The following USP54 variants were observed in gnomAD, a reference collection of about 807,000 sequenced individuals.
The protein encoded by USP54 is ubiquitin carboxyl-terminal hydrolase 54.
A neutral mutation model predicts 170.5 loss-of-function variants in USP54; 87 were observed. That is an observed-to-expected ratio of 0.51 (90% CI 0.43 to 0.61). The LOEUF is 0.61. USP54 is among the 20% of genes least tolerant of loss of function. The pLI, the probability that USP54 is intolerant of heterozygous loss-of-function variation, is 0.00. For synonymous variants in USP54, 655 were observed against 742.8 expected (o/e 0.88, Z 1.92); for missense variants, 1,786 against 2,047.8 (o/e 0.87, Z 2.47).
chr10:73,573,276 G>A (rs753602335), intron 3 of USP54, among the ~76,000 whole-genome samples: 7 of 152,106 alleles, frequency 4.6e-5, no homozygotes, highest in Admixed American at 2.0e-4. Flanking sequence ...TGGCAACAGA[G>A]TGAGACCTCT....
At chr10:73,565,063 G>C (rs1016223176) in intron 4 of USP54, among the ~76,000 whole-genome samples, 2 of 152,034 alleles carry the variant, frequency 1.3e-5, no homozygotes, top group African/African-American at 4.8e-5. Context: ...GACAGAGCAA[G>C]ATCCTATCTC....
chr10:73,618,020 G>A (rs1273867543), intron 1 of USP54, among the ~76,000 whole-genome samples: 1 of 150,366 alleles, frequency 6.7e-6, no homozygotes, highest in Non-Finnish European at 1.5e-5. Flanking sequence ...AGACCAGCCT[G>A]GCCGACATGG....
chr10:73,501,844 A>G (rs181447058), intron 22 of USP54, among the ~76,000 whole-genome samples: 104 of 152,286 alleles, frequency 6.8e-4, no homozygotes, highest in African/African-American at 2.4e-3. Context: ...CTGATGGCTC[A>G]TACTTTCATA....
intron 20 of USP54, among the ~76,000 whole-genome samples, chr10:73,514,810 C>T (rs1178633037): frequency 6.6e-6 from 1 of 151,908 alleles, no homozygotes; most frequent in East Asian, 1.9e-4. Context: ...GAGGCTGAGG[C>T]GGGGGGATCA....
intron 19 of USP54, 101 bp from the exon 20 acceptor site, chr10:73,517,848 G>A: frequency 7.2e-7 from 1 of 1,394,196 alleles, no homozygotes; most frequent in Non-Finnish European, 9.7e-7. Flanking sequence ...TATTCACACA[G>A]GGAATGGTAA....
At chr10:73,516,349 C>T (rs2061088402) in intron 20 of USP54, 26 bp downstream of exon 20, 1 of 1,580,556 alleles carries the variant, frequency 6.3e-7, no homozygotes, top group Non-Finnish European at 8.6e-7. Context: ...CTCCCCCCTC[C>T]CCCCAACCCC....
chr10:73,569,903 A>C (rs947801962), intron 4 of USP54, among the ~76,000 whole-genome samples: 29 of 66,444 alleles, frequency 4.4e-4, no homozygotes, highest in East Asian at 3.1e-3. Flanking sequence ...TTTCATCTCC[A>C]AAAAAAAAAA....
chr10:73,534,648 T>C lies in USP54; in HGVS notation c.1267A>G (p.Ile423Val). The C allele has an allele frequency of 1.2e-6, 2 of 1,614,188 alleles. No homozygotes were observed. Among genetic ancestry groups the C allele is most frequent in the Admixed American group, 1.7e-5 (1 of 60,014 alleles). ...ATGGAATCATTTTCCACATTATAGA[T>C]GACTGTCCCCTGAGAATCAGAAGAG... ...HFSSDSQGTVIYNVENDSMSQ... is the reference protein window; with the variant it reads ...HFSSDSQGTVVYNVENDSMSQ... The change falls in exon 12 of 24, where the codon ATC becomes GTC. Residue 423 changes from isoleucine (I) to valine (V), a missense_variant. Ile to Val is a conservative substitution (Grantham distance 29). Around this residue, in one of 3 missense-constraint regions of USP54, gnomAD observed 1,418 missense variants for 1,569.0 expected, o/e 0.90. Transcript: ENST00000687698.
chr10:73,500,954 A>C, intron 22 of USP54, 116 bp from the exon 23 acceptor site: 4 of 1,070,528 alleles, frequency 3.7e-6, no homozygotes, highest in Non-Finnish European at 5.2e-6. Flanking sequence ...GAGCACAAAC[A>C]TGCCTACATG....
chr10:73,602,377 C>A (rs369376288), intron 1 of USP54, among the ~76,000 whole-genome samples: 50 of 151,550 alleles, frequency 3.3e-4, no homozygotes, highest in African/African-American at 1.1e-3. Flanking sequence ...ACTGTGAAAC[C>A]CCATCTCTAC....
At chr10:73,623,423 G>A (rs1032908274) in intron 1 of USP54, among the ~76,000 whole-genome samples, 9 of 151,870 alleles carry the variant, frequency 5.9e-5, no homozygotes, top group African/African-American at 2.2e-4. Flanking sequence ...TTGGGAGGCT[G>A]AGGCAGGAGT....
intron 17 of USP54, among the ~76,000 whole-genome samples, chr10:73,521,946 T>C (rs933271194): frequency 6.6e-6 from 1 of 152,182 alleles, no homozygotes; most frequent in Non-Finnish European, 1.5e-5. Flanking sequence ...TAATCATACA[T>C]TGGCAGCAAG....
At chr10:73,543,365 T>G (rs2067037832) in intron 5 of USP54, among the ~76,000 whole-genome samples, 1 of 152,010 alleles carries the variant, frequency 6.6e-6, no homozygotes, top group South Asian at 2.1e-4. Flanking sequence ...GTGTTTTTTT[T>G]GTTTGTTTTT....
chr10:73,518,224 A>G, intron 19 of USP54: 1 of 985,434 alleles, frequency 1.0e-6, no homozygotes, highest in East Asian at 1.1e-4. Flanking sequence ...CAAAGGAACT[A>G]TGAGGCCACA....
At position 73,498,956 on chromosome 10, in the gene USP54, G is replaced by T. The variant is rs752109697; in HGVS notation, c.4728C>A (p.Ser1576Arg). Residue 1576 changes from serine to arginine, a missense_variant, in exon 24 of 24, where the codon AGC (serine) becomes AGA (arginine). Physicochemically the swap from Ser to Arg is moderately radical, Grantham distance 110. Transcript: ENST00000687698. ...LTYTATLPER[S>R]KGLQVPHTQS... Reference sequence around the variant, plus strand: ...GAGTGTGAGGAACCTGAAGGCCCTTGCTTCTTTCTGGTAGTGTGGCAGTGT... The same window carrying T: ...GAGTGTGAGGAACCTGAAGGCCCTTTCTTCTTTCTGGTAGTGTGGCAGTGT... 2 of 1,614,146 alleles carry T rather than the reference G, an allele frequency of 1.2e-6. No homozygotes were observed. Among genetic ancestry groups the T allele is most frequent in the South Asian group, 2.2e-5 (2 of 91,074 alleles).
intron 4 of USP54, among the ~76,000 whole-genome samples, chr10:73,552,561 C>T (rs1056553354): frequency 2.0e-5 from 3 of 152,074 alleles, no homozygotes; most frequent in Non-Finnish European, 4.4e-5. Flanking sequence ...GAGGCTGAGT[C>T]GGGAGGATTA....
rs761804529 is a variant in USP54, at chr10:73,530,721, G to A, written c.1430C>T (p.Ser477Leu). Residue 477 changes from serine to leucine, a missense_variant, in exon 13 of 24, where the codon TCG (serine) becomes TTG (leucine). By Grantham distance (145) the Ser-to-Leu change is moderately radical. Transcript: ENST00000687698. ...GGGCTTGCCTTCACTGTGGTATCCCGAGGCCTGGGGCTCATCGCCTTTCCT... is the reference window on the plus strand; with the variant it reads ...GGGCTTGCCTTCACTGTGGTATCCCAAGGCCTGGGGCTCATCGCCTTTCCT... ...VRRKGDEPQA[S>L]GYHSEGETLK... The A allele has an allele frequency of 1.7e-5, 27 of 1,614,042 alleles. No homozygotes were observed. The highest frequency in any genetic ancestry group is 2.2e-5 in the Non-Finnish European group (26 of 1,180,036).
In USP54 at chr10:73,548,907, A is replaced by G. The variant is rs935698363; in HGVS notation, c.241-3235T>C. On this transcript the variant is annotated intron_variant, in intron 4 of 23. Coordinates refer to ENST00000687698, the MANE Select transcript of USP54 (RefSeq NM_001391956.1). ...AAAAGTAATTTATTCATATTAAAAT[A>G]TCCAAGTTTTATTTTTCAGACATAT... Among the ~76,000 whole-genome samples the G allele has an allele frequency of 7.2e-5, 11 of 152,348 alleles. No homozygotes were observed. In the East Asian group the frequency reaches 1.5e-3, roughly 21 times the overall value.
At chr10:73,569,079 C>T (rs943964478) in intron 4 of USP54, among the ~76,000 whole-genome samples, 6 of 152,174 alleles carry the variant, frequency 3.9e-5, no homozygotes, top group Non-Finnish European at 8.8e-5. Context: ...GTGCTCTCAT[C>T]CCTTCTTGGT....
Sources: allele counts gnomAD v4.1 joint callset (sites outside exome capture counted in the v4.1 genomes callset), GRCh38; gene constraint gnomAD v4.1.1; regional missense constraint gnomAD v4.1.1; transcripts MANE v1.5; gene names NCBI Gene and HGNC (gene_info 2026-07-23, HGNC 2026-07-21).